DLC1: variants seen among roughly 807,000 people sequenced by gnomAD.
DLC1 encodes rho GTPase-activating protein 7.
Under a neutral mutation model 140.3 loss-of-function variants are expected in DLC1, and 54 were observed. The ratio of observed to expected loss-of-function variants is 0.38; its 90% CI spans 0.31 to 0.48. The LOEUF (loss-of-function observed/expected upper bound fraction) is 0.48, where lower values mean the gene tolerates loss of function less well. Among genes scored for constraint, DLC1 ranks in the 20% least tolerant of loss-of-function variants. The pLI is 0.96. For missense variants in DLC1, 2,536 were observed against 1,907.0 expected, an observed-to-expected ratio of 1.33 and a Z score of -6.14; for synonymous variants, 986 against 728.1, an observed-to-expected ratio of 1.35 and a Z score of -5.70.
At chr8:13,223,686 A>G (rs571701976) in intron 5 of DLC1, among the ~76,000 whole-genome samples, 21 of 152,346 alleles carry the variant, frequency 1.4e-4, no homozygotes, top group South Asian at 2.1e-4. Flanking sequence ...TGGAATGTCA[A>G]TTTCCAATAA....
intron 2 of DLC1, among the ~76,000 whole-genome samples, chr8:13,476,884 G>T (rs1343537324): frequency 6.6e-6 from 1 of 152,154 alleles, no homozygotes; most frequent in Non-Finnish European, 1.5e-5. Context: ...CAAAGAAGAT[G>T]ATTAAAATAT....
intron 1 of DLC1, among the ~76,000 whole-genome samples, chr8:13,537,856 T>A (rs1252319699): frequency 6.6e-6 from 1 of 151,888 alleles, no homozygotes; most frequent in Non-Finnish European, 1.5e-5. Context: ...GGTTTCACTG[T>A]GTTAGTCAGG....
At chr8:13,441,064 A>G (rs1798486045) in intron 2 of DLC1, among the ~76,000 whole-genome samples, 1 of 152,214 alleles carries the variant, frequency 6.6e-6, no homozygotes, top group Admixed American at 6.5e-5. Context: ...AACCTGGGAT[A>G]ATTCTACCAA....
intron 5 of DLC1, among the ~76,000 whole-genome samples, chr8:13,152,810 C>G (rs1823926578): frequency 6.6e-5 from 2 of 30,206 alleles, no homozygotes; most frequent in Admixed American, 1.0e-3. Flanking sequence ...GACTGAGACC[C>G]TGTCTCTGGG....
At chr8:13,216,179 A>C (rs1828191824) in intron 5 of DLC1, among the ~76,000 whole-genome samples, 2 of 152,222 alleles carry the variant, frequency 1.3e-5, no homozygotes, top group Non-Finnish European at 2.9e-5. Context: ...AGCAACAAAC[A>C]CAACAATAAA....
At chr8:13,391,080 T>G (rs1352105061) in intron 4 of DLC1, among the ~76,000 whole-genome samples, 1 of 152,158 alleles carries the variant, frequency 6.6e-6, no homozygotes, top group African/African-American at 2.4e-5. Flanking sequence ...AAAAGTCGAT[T>G]GTCTTTGATG....
intron 5 of DLC1, among the ~76,000 whole-genome samples, chr8:13,286,319 C>T (rs1027701139): frequency 2.6e-5 from 4 of 152,056 alleles, no homozygotes; most frequent in African/African-American, 9.7e-5. Context: ...AAGGAATGAT[C>T]ACTGGCTTGG....
intron 1 of DLC1, chr8:13,568,080 T>C (rs1270903316): frequency 1.1e-5 from 12 of 1,063,812 alleles, no homozygotes; most frequent in East Asian, 7.9e-5. Context: ...ACTTTTTTTT[T>C]CCTATTATAG....
At chr8:13,319,950 G>C (rs1833025212) in intron 4 of DLC1, among the ~76,000 whole-genome samples, 1 of 149,564 alleles carries the variant, frequency 6.7e-6, no homozygotes, top group Non-Finnish European at 1.5e-5. Context: ...AGCCTCCCAA[G>C]TAGCTGGGGT....
intron 5 of DLC1, among the ~76,000 whole-genome samples, chr8:13,222,605 G>A (rs9692960): frequency 6.6e-6 from 1 of 152,100 alleles, no homozygotes; most frequent in African/African-American, 2.4e-5. Flanking sequence ...CAGCACTCTT[G>A]CTTCTCACCA....
intron 6 of DLC1, among the ~76,000 whole-genome samples, chr8:13,114,087 C>A (rs1223692796): frequency 6.6e-6 from 1 of 152,196 alleles, no homozygotes; most frequent in Non-Finnish European, 1.5e-5. Flanking sequence ...CTAGGCCAGG[C>A]GTGGTTGCTC....
chr8:13,332,230 A>G (rs1205745726), intron 4 of DLC1, among the ~76,000 whole-genome samples: 1 of 152,192 alleles, frequency 6.6e-6, no homozygotes, highest in Non-Finnish European at 1.5e-5. Flanking sequence ...TGCCTTAGCG[A>G]ATAAAGCGTA....
intron 1 of DLC1, among the ~76,000 whole-genome samples, chr8:13,604,098 G>C (rs1157660950): frequency 6.6e-6 from 1 of 152,006 alleles, no homozygotes; most frequent in African/African-American, 2.4e-5. Context: ...GTTATGATAT[G>C]CTGAAATTAT....
chr8:13,307,186 G>T (rs535412601), intron 4 of DLC1, among the ~76,000 whole-genome samples: 15 of 149,554 alleles, frequency 1.0e-4, no homozygotes, highest in African/African-American at 3.4e-4. Context: ...TCTACATTTC[G>T]TTGTTCAGCA....
At position 13,499,780 on chromosome 8, in the gene DLC1, G is replaced by A. The variant is rs759482859; in HGVS notation, c.292C>T (p.Leu98Phe). 2 of 1,614,004 alleles carry A rather than the reference G, an allele frequency of 1.2e-6. No homozygotes were observed. The highest frequency in any genetic ancestry group is 2.2e-5 in the South Asian group (2 of 91,074). The change falls in exon 2 of 18, where the codon CTT (leucine) becomes TTT (phenylalanine). Residue 98 changes from leucine (L) to phenylalanine (F), a missense_variant. Coordinates refer to ENST00000276297, the MANE Select transcript of DLC1 (RefSeq NM_182643.3). Reference sequence around the variant, plus strand: ...GTTTCTGTGCTGGCTTCCAGAGAAAGAAACTGATCTTCACCTTCATGGCTG... The same window carrying A: ...GTTTCTGTGCTGGCTTCCAGAGAAAAAAACTGATCTTCACCTTCATGGCTG... ...NDSHEGEDQF[L>F]SLEASTETLV...
intron 5 of DLC1, among the ~76,000 whole-genome samples, chr8:13,150,963 A>T (rs1469118093): frequency 1.3e-5 from 2 of 152,256 alleles, no homozygotes; most frequent in Non-Finnish European, 2.9e-5. Context: ...GACAGGTTGT[A>T]GTCAAGGCCC....
intron 5 of DLC1, among the ~76,000 whole-genome samples, chr8:13,297,286 A>AAAAAAAAAAAAAAAAAAAAAAAAC (rs1294211302): frequency 7.1e-6 from 1 of 141,082 alleles, no homozygotes; most frequent in African/African-American, 2.6e-5. Context: ...ATACATTAAA[A>AAAAAAAAAAAAAAAAAAAAAAAAC]AAAAAAAAAA....
At chr8:13,231,767 T>C (rs1423595821) in intron 5 of DLC1, among the ~76,000 whole-genome samples, 1 of 152,222 alleles carries the variant, frequency 6.6e-6, no homozygotes, top group Non-Finnish European at 1.5e-5. Context: ...TTTTAAAATG[T>C]CTTATCCTCT....
intron 2 of DLC1, among the ~76,000 whole-genome samples, chr8:13,471,864 G>C (rs1282869898): frequency 1.3e-5 from 2 of 152,154 alleles, no homozygotes; most frequent in Non-Finnish European, 2.9e-5. Context: ...AGCTCACTGG[G>C]TGACATCAGC....
Sources: allele counts gnomAD v4.1 joint callset (sites outside exome capture counted in the v4.1 genomes callset), GRCh38; gene constraint gnomAD v4.1.1; transcripts MANE v1.5; gene names NCBI Gene and HGNC (gene_info 2026-07-23, HGNC 2026-07-21).